Variants in DISP1 observed in about 807,000 individuals in gnomAD.
DISP1 encodes protein dispatched homolog 1.
Under a neutral mutation model 37.3 loss-of-function variants are expected in DISP1, and 30 were observed. The observed-to-expected ratio is 0.80, with a 90% CI of 0.60 to 1.09. DISP1 has a LOEUF of 1.09. Ranked by LOEUF, DISP1 falls within the 50% of genes least tolerant of loss-of-function variation. DISP1 has a pLI of 0.00. For synonymous variants in DISP1, 634 were observed against 690.2 expected, an observed-to-expected ratio of 0.92 and a Z score of 1.28; for missense variants, 1,598 against 1,879.5, an observed-to-expected ratio of 0.85 and a Z score of 2.77.
At chr1:222,842,230 ATTGT>A (rs1004273894) in intron 1 of DISP1, among the ~76,000 whole-genome samples, 2 of 151,236 alleles carry the variant, frequency 1.3e-5, no homozygotes, top group Admixed American at 6.6e-5. Flanking sequence ...TGGTATTTTG[ATTGT>A]TTAAAGCCCT....
chr1:222,828,294 G>C (rs921388437), intron 1 of DISP1, among the ~76,000 whole-genome samples: 1 of 151,884 alleles, frequency 6.6e-6, no homozygotes, highest in Non-Finnish European at 1.5e-5. Context: ...TCCCCCCTTT[G>C]AACTGTGTTG....
chr1:222,854,714 A>G (rs1353452207), intron 1 of DISP1, among the ~76,000 whole-genome samples: 2 of 151,618 alleles, frequency 1.3e-5, no homozygotes, highest in African/African-American at 2.4e-5. Flanking sequence ...TGGGAATCCT[A>G]TAGTTGAGCC....
chr1:222,882,890 A>G (rs1417308812), intron 1 of DISP1, among the ~76,000 whole-genome samples: 1 of 152,168 alleles, frequency 6.6e-6, no homozygotes, highest in Non-Finnish European at 1.5e-5. Context: ...GTATTAGAGA[A>G]GCTAAAAAAG....
intron 1 of DISP1, among the ~76,000 whole-genome samples, chr1:222,826,983 A>G (rs112077107): frequency 2.3e-3 from 346 of 152,294 alleles, no homozygotes; most frequent in African/African-American, 7.9e-3. Context: ...GTATGTGTAT[A>G]TATTGCAAGG....
At chr1:222,892,603 T>C (rs1167632822) in intron 1 of DISP1, among the ~76,000 whole-genome samples, 1 of 152,234 alleles carries the variant, frequency 6.6e-6, no homozygotes, top group Non-Finnish European at 1.5e-5. Context: ...TGCTGAGGGC[T>C]TCCAGTGTTT....
chr1:222,830,449 C>T (rs1665458507), intron 1 of DISP1, among the ~76,000 whole-genome samples: 4 of 151,842 alleles, frequency 2.6e-5, no homozygotes, highest in East Asian at 3.9e-4. Flanking sequence ...GGCCCGATCT[C>T]GGCTCCCTGC....
rs778205175 is a variant in DISP1, at chr1:222,994,710, C to CT, written c.890-165dup. Among the ~76,000 whole-genome samples the CT allele has an allele frequency of 6.3e-4, 93 of 148,708 alleles. No homozygotes were observed. The East Asian group carries it at 6.3e-3, about 10-fold the overall frequency. On this transcript the variant is annotated intron_variant, in intron 7 of 8. Transcript: ENST00000675850. Reference sequence around the variant, plus strand: ...GCGCTAAGACAATATTATGGCATTGCTTTTTTTTTTCTTTTAACATTTTCT... The same window carrying CT: ...GCGCTAAGACAATATTATGGCATTGCTTTTTTTTTTTCTTTTAACATTTTCT...
In DISP1 at chr1:222,936,684, A is replaced by C. The variant is rs572904778; in HGVS notation, c.-17-6123A>C. Among the ~76,000 whole-genome samples, 431 of 109,760 alleles carry C rather than the reference A, an allele frequency of 3.9e-3. 4 individuals carry two copies. The highest frequency in any genetic ancestry group is 0.015 in the African/African-American group (416 of 27,044). The allele number at this position is 109,760 out of a possible 152,430, so 72.0% of individuals were successfully genotyped here. A position where few individuals can be genotyped will look rare whatever the true frequency, so the allele number is the denominator to read the frequency against. On this transcript the variant is annotated intron_variant, in intron 2 of 8. Transcript: ENST00000675850. ...TATATATGAGGTATATATAATATAT[A>C]AAATATATGATATATATCATATATA...
At chr1:222,860,858 G>C (rs970750342) in intron 1 of DISP1, among the ~76,000 whole-genome samples, 2 of 152,046 alleles carry the variant, frequency 1.3e-5, no homozygotes, top group African/African-American at 4.8e-5. Flanking sequence ...GGGAGACAGA[G>C]TGAGACTTTG....
In DISP1 at chr1:223,004,791, C is replaced by T. The variant is rs760225936; in HGVS notation, c.3394C>T (p.Arg1132Trp). The change falls in exon 9 of 9, where the codon CGG becomes TGG. Residue 1132 changes from arginine to tryptophan, a missense_variant. Arg to Trp is a moderately radical substitution (Grantham distance 101). Transcript: ENST00000675850. This position sits in a 1 kb window ranked among gnomAD's most constrained non-coding sequence, Gnocchi z 4.9. ...FATFFFQCMC[R>W]CLGPQGTCGQ... ...CACCTTCTTTTTCCAGTGCATGTGC[C>T]GGTGCCTTGGACCACAGGGTACCTG... 1.1e-5 allele frequency: 17 copies of T among 1,612,568 alleles called. No individual in the cohort carries two copies. The highest frequency in any genetic ancestry group is 3.3e-5 in the Admixed American group (2 of 60,006).
intron 1 of DISP1, among the ~76,000 whole-genome samples, chr1:222,860,436 A>G (rs964357960): frequency 6.6e-6 from 1 of 152,228 alleles, no homozygotes; most frequent in Non-Finnish European, 1.5e-5. Flanking sequence ...GATTTAGCCA[A>G]CATCATGGTG....
intron 3 of DISP1, among the ~76,000 whole-genome samples, chr1:222,962,449 G>A (rs552721865): frequency 1.2e-3 from 186 of 152,222 alleles, no homozygotes; most frequent in Non-Finnish European, 2.3e-3. Context: ...CATATGGAAT[G>A]AAAGAACACC....
At chr1:222,859,860 G>A (rs1208817030) in intron 1 of DISP1, among the ~76,000 whole-genome samples, 3 of 152,172 alleles carry the variant, frequency 2.0e-5, no homozygotes, top group Admixed American at 2.0e-4. Context: ...GGAATATGTT[G>A]TTGGTCTTGT....
At chr1:222,985,551 G>A (rs1678214276) in intron 4 of DISP1, among the ~76,000 whole-genome samples, 1 of 152,212 alleles carries the variant, frequency 6.6e-6, no homozygotes. Context: ...TCAGGAGGCT[G>A]AGGCGGGAGA....
At chr1:222,963,545 G>A (rs1426599160) in intron 3 of DISP1, among the ~76,000 whole-genome samples, 1 of 152,148 alleles carries the variant, frequency 6.6e-6, no homozygotes, top group Non-Finnish European at 1.5e-5. Flanking sequence ...ACTGGATAAA[G>A]AAAATGTGGT....
chr1:222,884,185 T>TGAAGGGCCAA, intron 1 of DISP1, among the ~76,000 whole-genome samples: 1 of 152,224 alleles, frequency 6.6e-6, no homozygotes, highest in African/African-American at 2.4e-5. Context: ...TTTTTTTTTT[T>TGAAGGGCCAA]AACTTTTTAT....
chr1:222,843,172 A>G (rs1667705480), intron 1 of DISP1, among the ~76,000 whole-genome samples: 1 of 152,004 alleles, frequency 6.6e-6, no homozygotes, highest in South Asian at 2.1e-4. Context: ...GGCAAATCCA[A>G]GATAGTATTA....
At position 223,005,446 on chromosome 1, in the gene DISP1, C is replaced by A; in HGVS notation, c.4049C>A (p.Ser1350Tyr). The change falls in exon 9 of 9, where the codon TCT becomes TAT. Residue 1350 changes from serine (S) to tyrosine (Y), a missense_variant. Ser to Tyr is a moderately radical substitution (Grantham distance 144). Transcript: ENST00000675850. ...GTAAAGCCAGCCGGAATGCAGAATTCTCTGCCTAGGAATTTTTTCCTCCAC... is the reference window on the plus strand; with the variant it reads ...GTAAAGCCAGCCGGAATGCAGAATTATCTGCCTAGGAATTTTTTCCTCCAC... ...GRVKPAGMQNSLPRNFFLHPV... is the reference protein window; with the variant it reads ...GRVKPAGMQNYLPRNFFLHPV... 6.2e-7 allele frequency: 1 copy of A among 1,613,624 alleles called. No individual in the cohort carries two copies. Among genetic ancestry groups the A allele is most frequent in the South Asian group, 1.1e-5 (1 of 91,090 alleles).
At chr1:222,834,543 C>G (rs969800143) in intron 1 of DISP1, among the ~76,000 whole-genome samples, 1 of 152,122 alleles carries the variant, frequency 6.6e-6, no homozygotes, top group African/African-American at 2.4e-5. Flanking sequence ...CGAGGTCTTA[C>G]TATTAAGACA....
Sources: allele counts gnomAD v4.1 joint callset (sites outside exome capture counted in the v4.1 genomes callset), GRCh38; gene constraint gnomAD v4.1.1; non-coding constraint Gnocchi (gnomAD v3.1); transcripts MANE v1.5; gene names NCBI Gene and HGNC (gene_info 2026-07-23, HGNC 2026-07-21).